Variants in SLC1A1 observed in about 807,000 individuals in gnomAD.
SLC1A1 encodes excitatory amino acid transporter 3.
In SLC1A1, 43 loss-of-function variants were observed where a neutral mutation model predicts 53.3. The observed-to-expected ratio is 0.81, with a 90% CI of 0.63 to 1.04. SLC1A1 has a LOEUF of 1.04. Among genes scored for constraint, SLC1A1 ranks in the 50% least tolerant of loss-of-function variants. The pLI, the probability that SLC1A1 is intolerant of heterozygous loss-of-function variation, is 0.00. For missense variants in SLC1A1, 748 were observed against 664.9 expected (o/e 1.12, Z -1.37); for synonymous variants, 307 against 243.2 (o/e 1.26, Z -2.44).
chr9:4,581,659 T>G (rs1821109093), intron 10 of SLC1A1, among the ~76,000 whole-genome samples: 2 of 152,222 alleles, frequency 1.3e-5, no homozygotes. Flanking sequence ...TAAAATAAAC[T>G]TGGGCTTTCC....
chr9:4,582,891 G>A (rs1821232214), intron 10 of SLC1A1, 147 bp from the exon 11 acceptor site: 1 of 1,008,662 alleles, frequency 9.9e-7, no homozygotes, highest in Non-Finnish European at 1.6e-6. Context: ...GCAGAGCTGG[G>A]GCTCAGCAAG....
chr9:4,557,042 T>A (rs1420102342), intron 2 of SLC1A1, among the ~76,000 whole-genome samples: 4 of 152,104 alleles, frequency 2.6e-5, no homozygotes, highest in African/African-American at 7.2e-5. Flanking sequence ...TAAACCACCA[T>A]GTATAAGCGG....
chr9:4,525,010 G>C (rs1010347513), intron 1 of SLC1A1, among the ~76,000 whole-genome samples: 4 of 152,116 alleles, frequency 2.6e-5, no homozygotes, highest in Non-Finnish European at 5.9e-5. Context: ...GTTTTGCTGA[G>C]GACAAACCAA....
intron 1 of SLC1A1, among the ~76,000 whole-genome samples, chr9:4,513,801 A>G (rs913086900): frequency 3.9e-5 from 6 of 152,236 alleles, no homozygotes; most frequent in African/African-American, 1.4e-4. Context: ...GACGAGTCAA[A>G]TATTCTTCAA....
intron 1 of SLC1A1, among the ~76,000 whole-genome samples, chr9:4,493,747 G>A (rs1355534207): frequency 6.6e-6 from 1 of 152,108 alleles, no homozygotes; most frequent in Admixed American, 6.5e-5. Flanking sequence ...ATAATTTAAA[G>A]AAATAATAAT....
intron 10 of SLC1A1, among the ~76,000 whole-genome samples, chr9:4,581,268 G>T (rs1482538461): frequency 1.3e-5 from 2 of 152,198 alleles, no homozygotes; most frequent in Admixed American, 6.5e-5. Context: ...CCTAAAACTA[G>T]GACCTCAGTG....
At chr9:4,555,923 T>A (rs10739066) in intron 2 of SLC1A1, among the ~76,000 whole-genome samples, 74,710 of 151,970 alleles carry the variant, frequency 0.49, 21,973 homozygotes, top group East Asian at 0.85. Flanking sequence ...ATAACCTTCG[T>A]AAACTATAGT....
In SLC1A1 at chr9:4,587,245, A is replaced by C. The variant is rs1821633626; in HGVS notation, c.*1687A>C. 1 of 152,318 alleles carries C rather than the reference A, an allele frequency of 6.6e-6. No homozygotes were observed. Among genetic ancestry groups the C allele is most frequent in the Non-Finnish European group, 1.5e-5 (1 of 68,032 alleles). 9.4% of individuals were successfully genotyped at this position (152,318 alleles called of 1,614,324 possible). A position where few individuals can be genotyped will look rare whatever the true frequency, so the allele number is the denominator to read the frequency against. On this transcript the variant is annotated 3_prime_UTR_variant, in exon 12 of 12. Coordinates refer to ENST00000262352, the MANE Select transcript of SLC1A1 (RefSeq NM_004170.6). The stretch of plus-strand genomic sequence containing the variant: ...ATATTGCTATTGTTTATAGGAAATA[A>C]ATCTAAATATAAATGAAATTGAATC...
In SLC1A1 at chr9:4,572,394, C is replaced by A; in HGVS notation, c.767+6C>A. 1 of 1,611,370 alleles carries A rather than the reference C, an allele frequency of 6.2e-7. No individual in the cohort carries two copies. The highest frequency in any genetic ancestry group is 1.1e-5 in the South Asian group (1 of 91,040). On this transcript the variant is annotated splice_donor_region_variant and intron_variant, in intron 7 of 11. Coordinates refer to ENST00000262352, the MANE Select transcript of SLC1A1 (RefSeq NM_004170.6). ...ATCGTTCAGATCATCATGTGGTGAG[C>A]AGACACTGTTTAATGTCATTTTGCT...
At chr9:4,571,043 G>A (rs1217674958) in intron 6 of SLC1A1, among the ~76,000 whole-genome samples, 5 of 152,162 alleles carry the variant, frequency 3.3e-5, no homozygotes, top group Non-Finnish European at 7.3e-5. Context: ...GGAATGCTAT[G>A]CTGCCATTTA....
intron 2 of SLC1A1, among the ~76,000 whole-genome samples, chr9:4,551,981 C>T (rs1211907493): frequency 2.0e-5 from 3 of 152,164 alleles, no homozygotes; most frequent in African/African-American, 7.2e-5. Flanking sequence ...TGAATAGTGG[C>T]AAGAGATAAA....
At chr9:4,580,651 G>GTGTATGTGTGTGTGTGTA (rs370378540) in intron 10 of SLC1A1, among the ~76,000 whole-genome samples, 3,245 of 118,540 alleles carry the variant, frequency 0.027, 105 homozygotes, top group East Asian at 0.07. Flanking sequence ...GTGTGTGTGT[G>GTGTATGTGTGTGTGTGTA]TATAAGGAAT....
At chr9:4,557,326 C>A (rs1818504802) in intron 2 of SLC1A1, among the ~76,000 whole-genome samples, 1 of 152,206 alleles carries the variant, frequency 6.6e-6, no homozygotes, top group Non-Finnish European at 1.5e-5. Flanking sequence ...CCTGCCCATG[C>A]TTGCAAGGCA....
chr9:4,515,615 A>G (rs199941124), intron 1 of SLC1A1, among the ~76,000 whole-genome samples: 3 of 70,110 alleles, frequency 4.3e-5, no homozygotes, highest in African/African-American at 1.2e-4. Context: ...AACATCAACA[A>G]TGTCAAAGGT....
intron 6 of SLC1A1, 93 bp downstream of exon 6, chr9:4,567,860 A>C: frequency 2.3e-6 from 2 of 870,088 alleles, no homozygotes; most frequent in East Asian, 5.1e-5. Flanking sequence ...CATTCACAGA[A>C]TCGCATTTGC....
intron 10 of SLC1A1, among the ~76,000 whole-genome samples, chr9:4,580,601 A>ATGTGTGTGTGTGTGTGTGTG (rs71326118): frequency 1.0e-4 from 7 of 69,692 alleles, no homozygotes; most frequent in African/African-American, 2.5e-4. Flanking sequence ...AAAAATATAT[A>ATGTGTGTGTGTGTGTGTGTG]TGTGTGTGTG....
In SLC1A1 at chr9:4,576,089, C is replaced by G. The variant is rs751517203; in HGVS notation, c.964C>G (p.Gln322Glu). The change falls in exon 9 of 12, where the codon CAG (glutamine) becomes GAG (glutamate). Residue 322 changes from glutamine (Q) to glutamate (E), a missense_variant. Gln to Glu is a conservative substitution (Grantham distance 29). Transcript: ENST00000262352. ...TTTCCGATTTGCCATGGGAATGGCC[C>G]AGGCTCTCCTGACAGCTCTCATGAT... is the stretch of plus-strand genomic sequence containing the variant. ...NPFRFAMGMAQALLTALMISS... is the reference protein window; with the variant it reads ...NPFRFAMGMAEALLTALMISS... 19 of 1,612,960 alleles carry G rather than the reference C, an allele frequency of 1.2e-5. 1 individual carries two copies. The African/African-American group carries it at 2.0e-4, about 17-fold the overall frequency.
At chr9:4,575,750 T>A (rs1298653606) in intron 8 of SLC1A1, among the ~76,000 whole-genome samples, 1 of 152,178 alleles carries the variant, frequency 6.6e-6, no homozygotes, top group Non-Finnish European at 1.5e-5. Flanking sequence ...ATAATTCTGT[T>A]CTGTGAAGCC....
chr9:4,582,890 G>C (rs1443362423), intron 10 of SLC1A1, 148 bp from the exon 11 acceptor site: 7 of 993,434 alleles, frequency 7.0e-6, no homozygotes, highest in Non-Finnish European at 1.1e-5. Flanking sequence ...GGCAGAGCTG[G>C]GGCTCAGCAA....
Sources: gnomAD v4.1 joint callset for allele counts (sites outside exome capture counted in the v4.1 genomes callset) on GRCh38, gnomAD v4.1.1 for gene constraint, MANE v1.5 for transcripts, NCBI Gene and HGNC (gene_info 2026-07-23, HGNC 2026-07-21) for gene names.